LTF: variants seen among roughly 807,000 people sequenced by gnomAD.
LTF encodes the protein lactotransferrin.
In LTF, 91 loss-of-function variants were observed where a neutral mutation model predicts 87.2. That is an observed-to-expected ratio of 1.04 (90% CI 0.88 to 1.24). LTF has a LOEUF of 1.24. LTF is among the 50% of genes most tolerant of loss of function. The probability of loss-of-function intolerance (pLI) is 0.00; values close to 1 mark genes in which losing one functional copy is unlikely to be tolerated. For missense variants in LTF, 901 were observed against 904.3 expected (o/e 1.00, Z 0.05); for synonymous variants, 378 against 356.1 (o/e 1.06, Z -0.69).
In LTF at chr3:46,449,023, A is replaced by G. The variant is rs1702732049; in HGVS notation, c.1058-6T>C. ...GGCAGCCACTTCCTCCTCACCTGCC[A>G]GAGGGAAGACCGCAGGTGGCTGGGC... On this transcript the variant is annotated splice_polypyrimidine_tract_variant and splice_region_variant and intron_variant, in intron 8 of 16. Coordinates refer to ENST00000231751, the MANE Select transcript of LTF (RefSeq NM_002343.6). The G allele has an allele frequency of 1.2e-6, 2 of 1,603,664 alleles. No homozygotes were observed. The highest frequency in any genetic ancestry group is 1.3e-5 in the African/African-American group (1 of 74,390).
At chr3:46,442,910 C>T (rs1702557812) in intron 13 of LTF, among the ~76,000 whole-genome samples, 1 of 152,176 alleles carries the variant, frequency 6.6e-6, no homozygotes, top group Non-Finnish European at 1.5e-5. Flanking sequence ...TTACAAGTCA[C>T]TAAGTGGTTA....
chr3:46,484,535 G>T (rs948816072), intron 1 of LTF, among the ~76,000 whole-genome samples: 1 of 152,154 alleles, frequency 6.6e-6, no homozygotes, highest in Non-Finnish European at 1.5e-5. Flanking sequence ...CTAAAAAATT[G>T]CATGTCCCTG....
rs972028620 is a variant in LTF, at chr3:46,455,806, G to A, written c.489C>T (p.Pro163=). ...CCCCAGCCATCTTACCTGCCTCAAT[G>A]GGCTCAGGTGGACCCGTCCAATTCA... ...PFLNWTGPPE[P]IEAAVARFFS... The change falls in exon 4 of 17, where the codon CCC becomes CCT. Residue 163 remains proline, a synonymous_variant. Transcript: ENST00000231751. The A allele has an allele frequency of 1.3e-6, 2 of 1,567,034 alleles. No homozygotes were observed. The highest frequency in any genetic ancestry group is 4.5e-5 in the East Asian group (2 of 44,420).
intron 9 of LTF, among the ~76,000 whole-genome samples, chr3:46,448,610 T>C (rs1172238504): frequency 6.6e-6 from 1 of 152,242 alleles, no homozygotes. Flanking sequence ...TGTTTTAACA[T>C]AATACCTTTC....
chr3:46,436,081 G>A lies in LTF; in HGVS notation c.*114C>T, dbSNP rs1702378935. ...AGCAGGGAATTGTAAGCAGATGGAT[G>A]GGCAATCCCCACCTTCAGCAGGGGA... On this transcript the variant is annotated 3_prime_UTR_variant, in exon 17 of 17. Coordinates refer to ENST00000231751, the MANE Select transcript of LTF (RefSeq NM_002343.6). 1 of 962,906 alleles carries A rather than the reference G, an allele frequency of 1.0e-6. No individual in the cohort carries two copies. Among genetic ancestry groups the A allele is most frequent in the Non-Finnish European group, 1.7e-6 (1 of 601,644 alleles). 59.6% of individuals were successfully genotyped at this position (962,906 alleles called of 1,614,324 possible).
chr3:46,459,707 A>T lies in LTF; in HGVS notation c.156T>A (p.Pro52=). The T allele has an allele frequency of 1.9e-6, 3 of 1,574,858 alleles. No homozygotes were observed. The South Asian group carries it at 3.5e-5, about 19-fold the overall frequency. Residue 52 remains proline (P), a synonymous_variant, in exon 2 of 17, where the codon CCT becomes CCA. Coordinates refer to ENST00000231751, the MANE Select transcript of LTF (RefSeq NM_002343.6). ...GGGAGTCTCTCTTTATGCAGCTGAC[A>T]GGAGGGCCACGCACTTTTCTCATAT... The part of the protein sequence containing the change: ...QRNMRKVRGP[P]VSCIKRDSPI...
intron 2 of LTF, among the ~76,000 whole-genome samples, chr3:46,458,432 C>T (rs1471784919): frequency 8.5e-5 from 13 of 152,266 alleles, no homozygotes; most frequent in East Asian, 1.9e-4. Context: ...ACGCGTTCAG[C>T]GTGGTATGGC....
Position 46,443,564 on chromosome 3 carries a change from C to G in LTF, c.1532G>C (p.Ser511Thr), listed in dbSNP as rs778756570. 1 of 1,613,796 alleles carries G rather than the reference C, an allele frequency of 6.2e-7. No individual in the cohort carries two copies. The highest frequency in any genetic ancestry group is 1.1e-5 in the South Asian group (1 of 91,046). Reference sequence around the variant, plus strand: ...TCTCGGGTCAGACCCAGGGGCACAGCTTTGACTGAAATATTCATCTGGAGA... The same window carrying G: ...TCTCGGGTCAGACCCAGGGGCACAGGTTTGACTGAAATATTCATCTGGAGA... ...SCKFDEYFSQ[S>T]CAPGSDPRSN... is the part of the protein sequence containing the mutation. Residue 511 changes from serine to threonine, a missense_variant, in exon 13 of 17, where the codon AGC becomes ACC. Ser to Thr is a moderately conservative substitution (Grantham distance 58). Coordinates refer to ENST00000231751, the MANE Select transcript of LTF (RefSeq NM_002343.6).
At chr3:46,450,157 T>C in intron 7 of LTF, 129 bp from the exon 8 acceptor site, 1 of 751,742 alleles carries the variant, frequency 1.3e-6, no homozygotes, top group Non-Finnish European at 2.1e-6. Context: ...GTTGAGACCC[T>C]CCTGCAGAGG....
intron 1 of LTF, among the ~76,000 whole-genome samples, chr3:46,471,004 G>C (rs1469533634): frequency 6.6e-6 from 1 of 152,212 alleles, no homozygotes; most frequent in Non-Finnish European, 1.5e-5. Flanking sequence ...GTTCAGGGTT[G>C]AGCAGGAAGG....
At chr3:46,460,348 C>A (rs529560640) in intron 1 of LTF, among the ~76,000 whole-genome samples, 3 of 152,284 alleles carry the variant, frequency 2.0e-5, no homozygotes, top group Admixed American at 6.5e-5. Flanking sequence ...GAAAATATAC[C>A]TGAGTCGGTT....
chr3:46,436,796 T>C (rs1310258814), intron 16 of LTF, among the ~76,000 whole-genome samples: 1 of 152,210 alleles, frequency 6.6e-6, no homozygotes, highest in Non-Finnish European at 1.5e-5. Flanking sequence ...GAGTTGTTTG[T>C]CAATACAGAA....
In LTF at chr3:46,456,339, G is replaced by T. The variant is rs2106882904; in HGVS notation, c.267C>A (p.Ala89=). Reference sequence around the variant, plus strand: ...CCGCTACAGGTCGCAGTTTGTAGGGGGCCAGGCCTGCCTCGTATATGAAAC... The same window carrying T: ...CCGCTACAGGTCGCAGTTTGTAGGGTGCCAGGCCTGCCTCGTATATGAAAC... The part of the protein sequence containing the change: ...DGGFIYEAGL[A]PYKLRPVAAE... The change falls in exon 3 of 17, where the codon GCC becomes GCA. Residue 89 remains alanine, a synonymous_variant. Transcript: ENST00000231751. 1 of 1,614,120 alleles carries T rather than the reference G, an allele frequency of 6.2e-7. No individual in the cohort carries two copies. Among genetic ancestry groups the T allele is most frequent in the East Asian group, 2.2e-5 (1 of 44,884 alleles).
In LTF at chr3:46,442,258, G is replaced by C. The variant is rs187257827; in HGVS notation, c.1656-775C>G. Among the ~76,000 whole-genome samples, 450 of 152,140 alleles carry C rather than the reference G, an allele frequency of 3.0e-3. 6 individuals are homozygous for C. Among genetic ancestry groups the C allele is most frequent in the African/African-American group, 0.01 (429 of 41,482 alleles). ...AAAGGTGCTGGGGGCAGTGTGAGAG[G>C]CTAGATCTTCTTCTATACTACAGAG... On this transcript the variant is annotated intron_variant, in intron 13 of 16. Transcript: ENST00000231751.
chr3:46,438,520 T>C (rs1202013750), intron 15 of LTF, among the ~76,000 whole-genome samples: 3 of 152,214 alleles, frequency 2.0e-5, no homozygotes, highest in Non-Finnish European at 2.9e-5. Context: ...GGCAGGCTGC[T>C]AGGAAAACCC....
rs1702537295 is a variant in LTF, at chr3:46,442,064, G to A, written c.1656-581C>T. Reference sequence around the variant, plus strand: ...ATAGTGATGTGTTTTTTTAAGTGCAGAAAATTAAGCAAATAAGAAAAGACA... The same window carrying A: ...ATAGTGATGTGTTTTTTTAAGTGCAAAAAATTAAGCAAATAAGAAAAGACA... On this transcript the variant is annotated intron_variant, in intron 13 of 16. Coordinates refer to ENST00000231751, the MANE Select transcript of LTF (RefSeq NM_002343.6). Among the ~76,000 whole-genome samples the A allele has an allele frequency of 2.6e-5, 4 of 151,516 alleles. No individual in the cohort carries two copies. The South Asian group carries it at 6.2e-4, about 24-fold the overall frequency.
At chr3:46,482,807 GAAA>G (rs1703467861) in intron 1 of LTF, among the ~76,000 whole-genome samples, 2 of 71,874 alleles carry the variant, frequency 2.8e-5, no homozygotes, top group Non-Finnish European at 8.2e-5. Flanking sequence ...AGGAAGGAAA[GAAA>G]GAAAGAAAGA....
intron 1 of LTF, among the ~76,000 whole-genome samples, chr3:46,477,684 T>C (rs1703377758): frequency 6.6e-6 from 1 of 152,244 alleles, no homozygotes; most frequent in South Asian, 2.1e-4. Context: ...GCTCAATCGA[T>C]ATTTTTTGAA....
intron 10 of LTF, 110 bp downstream of exon 10, chr3:46,447,198 A>T: frequency 5.3e-6 from 4 of 749,340 alleles, no homozygotes; most frequent in Non-Finnish European, 9.3e-6. Context: ...CTCCCTTTTG[A>T]ATGTATCTGT....
Sources: gnomAD v4.1 joint callset for allele counts (sites outside exome capture counted in the v4.1 genomes callset) on GRCh38, gnomAD v4.1.1 for gene constraint, MANE v1.5 for transcripts, NCBI Gene and HGNC (gene_info 2026-07-23, HGNC 2026-07-21) for gene names.